UBAP2: variants seen among roughly 807,000 people sequenced by gnomAD.
UBAP2 encodes the protein ubiquitin associated protein 2.
UBAP2 carries 75 observed loss-of-function variants against 139.6 expected under a neutral mutation model. The ratio of observed to expected loss-of-function variants is 0.54; its 90% CI spans 0.45 to 0.65. The LOEUF (loss-of-function observed/expected upper bound fraction) is 0.65. Ranked by LOEUF, UBAP2 falls within the 30% of genes least tolerant of loss-of-function variation. UBAP2 has a pLI of 0.00. For missense variants in UBAP2, 1,368 were observed against 1,369.6 expected (o/e 1.00, Z 0.02); for synonymous variants, 526 against 526.2 (o/e 1.00, Z 0.01).
intron 12 of UBAP2, among the ~76,000 whole-genome samples, chr9:33,951,995 A>G (rs1826143570): frequency 6.6e-6 from 1 of 152,202 alleles, no homozygotes; most frequent in Non-Finnish European, 1.5e-5. Flanking sequence ...TCATATACCA[A>G]TGATACTAAA....
At chr9:33,979,986 T>C (rs1809730447) in intron 6 of UBAP2, among the ~76,000 whole-genome samples, 2 of 151,646 alleles carry the variant, frequency 1.3e-5, no homozygotes, top group Admixed American at 1.3e-4. Flanking sequence ...GGCAGGAGAA[T>C]TGCTTGAACC....
chr9:33,971,772 GAA>G lies in UBAP2; in HGVS notation c.576-20_576-19del. 2 of 1,489,726 alleles carry G rather than the reference GAA, an allele frequency of 1.3e-6. No homozygotes were observed. Among genetic ancestry groups the G allele is most frequent in the Non-Finnish European group, 1.9e-6 (2 of 1,067,238 alleles). 92.3% of individuals were successfully genotyped at this position (1,489,726 alleles called of 1,614,324 possible). ...TAAATGTCCTGGGGTTTGAAATAAAGAAATAATAAAGGCAAAAGAAGCAAACA... is the reference window on the plus strand; with the variant it reads ...TAAATGTCCTGGGGTTTGAAATAAAGATAATAAAGGCAAAAGAAGCAAACA... On this transcript the variant is annotated intron_variant, in intron 7 of 28. Transcript: ENST00000379238.
rs920184984 is a variant in UBAP2 at position 33,935,958 on chromosome 9, C to T, written c.1930-80G>A. On this transcript the variant is annotated intron_variant, in intron 16 of 28. Transcript: ENST00000379238. ...GAGTGGCTTTTTATACTTTCTACAA[C>T]ATGTAGCTTAATCAAGAAACAATTA... 7.8e-6 allele frequency: 10 copies of T among 1,274,852 alleles called. No individual in the cohort carries two copies. The African/African-American group carries it at 1.5e-4, about 19-fold the overall frequency. The allele number at this position is 1,274,852 out of a possible 1,614,324, so 79.0% of individuals were successfully genotyped here.
At chr9:33,966,612 G>A (rs1056898789) in intron 8 of UBAP2, among the ~76,000 whole-genome samples, 4 of 152,100 alleles carry the variant, frequency 2.6e-5, no homozygotes, top group Non-Finnish European at 4.4e-5. Flanking sequence ...TCCCTTTTAT[G>A]AGGGTCTTCT....
rs757895907 is a variant in UBAP2 at position 33,989,437 on chromosome 9, G to A, written c.289-311C>T. On this transcript the variant is annotated intron_variant, in intron 4 of 28. Transcript: ENST00000379238. ...ATGATGGTCTCGATCTCCTGACCTC[G>A]TGATCTGCCCGCCTTGGCCTCCCAA... Among the ~76,000 whole-genome samples the A allele has an allele frequency of 5.9e-5, 9 of 152,174 alleles. No homozygotes were observed. The South Asian group carries it at 8.3e-4, about 14-fold the overall frequency.
intron 2 of UBAP2, chr9:34,011,552 A>T (rs1308067657): frequency 1.2e-6 from 1 of 858,686 alleles, no homozygotes; most frequent in African/African-American, 1.8e-5. Flanking sequence ...GAAAAAAATA[A>T]TTTTCTTTGA....
intron 6 of UBAP2, among the ~76,000 whole-genome samples, chr9:33,985,957 G>A (rs1464951946): frequency 6.6e-6 from 1 of 152,044 alleles, no homozygotes; most frequent in African/African-American, 2.4e-5. Context: ...GGAGGTGGAG[G>A]TTGCAGTTAG....
intron 6 of UBAP2, among the ~76,000 whole-genome samples, chr9:33,981,339 G>A (rs772892486): frequency 7.0e-6 from 1 of 142,202 alleles, no homozygotes; most frequent in African/African-American, 2.6e-5. Flanking sequence ...ATAAATAAAA[G>A]ACGGGGAAAG....
At chr9:33,954,738 A>G (rs1276300631) in intron 11 of UBAP2, among the ~76,000 whole-genome samples, 4 of 152,208 alleles carry the variant, frequency 2.6e-5, no homozygotes, top group African/African-American at 4.8e-5. Context: ...ACAATAGAGA[A>G]TATGTGCATT....
rs1174783604 is a variant in UBAP2 at position 33,926,774 on chromosome 9, TG to T, written c.2464-111del. 3.4e-6 allele frequency: 4 copies of T among 1,190,806 alleles called. No homozygotes were observed. The African/African-American group carries it at 6.0e-5, about 18-fold the overall frequency. The allele number at this position is 1,190,806 out of a possible 1,614,324, so 73.8% of individuals were successfully genotyped here. On this transcript the variant is annotated intron_variant, in intron 21 of 28. Transcript: ENST00000379238. ...TGGGGGGCTCTAACACACCCGGGAA[TG>T]GGATCTGGATTAGCTGTTACGGGAA... is the stretch of plus-strand genomic sequence containing the variant.
intron 9 of UBAP2, among the ~76,000 whole-genome samples, chr9:33,961,466 T>A (rs1416475589): frequency 6.6e-6 from 1 of 152,194 alleles, no homozygotes; most frequent in Non-Finnish European, 1.5e-5. Flanking sequence ...GTACACAGGA[T>A]GCGCTCAAAC....
intron 2 of UBAP2, among the ~76,000 whole-genome samples, chr9:34,004,831 G>A (rs550813810): frequency 1.2e-3 from 173 of 141,634 alleles, no homozygotes; most frequent in Non-Finnish European, 1.9e-3. Context: ...GGCTGGGCAC[G>A]GTGACTCACG....
At chr9:34,024,178 A>T (rs1251701185) in intron 1 of UBAP2, among the ~76,000 whole-genome samples, 1 of 151,888 alleles carries the variant, frequency 6.6e-6, no homozygotes, top group African/African-American at 2.4e-5. Context: ...GACCATCTCT[A>T]CTAAAAATAC....
chr9:34,003,596 G>A (rs1822917566), intron 2 of UBAP2, among the ~76,000 whole-genome samples: 1 of 151,964 alleles, frequency 6.6e-6, no homozygotes, highest in Non-Finnish European at 1.5e-5. Flanking sequence ...TAGTACAGAT[G>A]CGGTTTCACC....
chr9:33,981,119 T>TTCTGG (rs1353014704), intron 6 of UBAP2, among the ~76,000 whole-genome samples: 1 of 7,798 alleles, frequency 1.3e-4, no homozygotes, highest in African/African-American at 2.9e-4. Flanking sequence ...TATATATATA[T>TTCTGG]ATATATATAT....
chr9:34,034,756 C>T (rs535746693), intron 1 of UBAP2, among the ~76,000 whole-genome samples: 1 of 152,096 alleles, frequency 6.6e-6, no homozygotes, highest in African/African-American at 2.4e-5. Flanking sequence ...GCCTATAGTC[C>T]CAGCTACTGG....
At chr9:33,993,254 G>A (rs1025504560) in intron 4 of UBAP2, among the ~76,000 whole-genome samples, 1 of 152,122 alleles carries the variant, frequency 6.6e-6, no homozygotes, top group East Asian at 1.9e-4. Context: ...GAAAAGAATC[G>A]TTTGCCTTCA....
intron 9 of UBAP2, among the ~76,000 whole-genome samples, chr9:33,962,231 C>T (rs994770687): frequency 3.9e-5 from 6 of 152,104 alleles, no homozygotes; most frequent in Admixed American, 2.6e-4. Flanking sequence ...ATTATTTTTT[C>T]TAATTTTTAA....
Position 33,953,381 on chromosome 9 carries a change from G to A in UBAP2, c.960C>T (p.Gly320=). ...GCGAATTTGTGAAGACAAGGGCTTG[G>A]CCAAAGCCCTGCTGTTGGGAAGTTT... ...SFETSQQQGF[G]QALVFTNSQH... Residue 320 remains glycine (G), a synonymous_variant, in exon 12 of 29, where the codon GGC becomes GGT. Transcript: ENST00000379238. 6.2e-7 allele frequency: 1 copy of A among 1,614,172 alleles called. No individual in the cohort carries two copies. The highest frequency in any genetic ancestry group is 8.5e-7 in the Non-Finnish European group (1 of 1,180,018).
Sources: gnomAD v4.1 joint callset for allele counts (sites outside exome capture counted in the v4.1 genomes callset) on GRCh38, gnomAD v4.1.1 for gene constraint, MANE v1.5 for transcripts, NCBI Gene and HGNC (gene_info 2026-07-23, HGNC 2026-07-21) for gene names.